Variants in SKAP1 observed in about 807,000 individuals in gnomAD.
SKAP1 encodes src kinase-associated phosphoprotein 1.
SKAP1 carries 44 observed loss-of-function variants against 58.5 expected under a neutral mutation model. The observed-to-expected ratio is 0.75, with a 90% confidence interval of 0.59 to 0.97. SKAP1 has a LOEUF of 0.97. Ranked by LOEUF, SKAP1 falls within the 50% of genes least tolerant of loss-of-function variation. The pLI, the probability that SKAP1 is intolerant of heterozygous loss-of-function variation, is 0.00. For missense variants in SKAP1, 390 were observed against 435.2 expected, an observed-to-expected ratio of 0.90 and a Z score of 0.92; for synonymous variants, 127 against 149.7, an observed-to-expected ratio of 0.85 and a Z score of 1.11.
intron 4 of SKAP1, among the ~76,000 whole-genome samples, chr17:48,231,156 C>T (rs1420065812): frequency 1.3e-5 from 2 of 152,116 alleles, no homozygotes; most frequent in African/African-American, 4.8e-5. Context: ...ATCACCTGGG[C>T]ACCTTAAAGA....
At chr17:48,171,105 T>TTTG (rs1189757860) in intron 9 of SKAP1, among the ~76,000 whole-genome samples, 6 of 146,192 alleles carry the variant, frequency 4.1e-5, no homozygotes, top group Non-Finnish European at 6.1e-5. Context: ...TTTTTTTTTT[T>TTTG]TTTTTTTTTT....
intron 4 of SKAP1, among the ~76,000 whole-genome samples, chr17:48,212,718 A>C (rs2064888862): frequency 6.6e-6 from 1 of 152,234 alleles, no homozygotes; most frequent in South Asian, 2.1e-4. Flanking sequence ...GATGATTTTA[A>C]AAGTAAAGCA....
At chr17:48,226,830 G>A (rs936575411) in intron 4 of SKAP1, among the ~76,000 whole-genome samples, 5 of 152,186 alleles carry the variant, frequency 3.3e-5, no homozygotes, top group African/African-American at 1.2e-4. Context: ...CAAAAGGGAT[G>A]TGCTATTTAG....
chr17:48,339,965 G>A (rs1005351354), intron 4 of SKAP1, among the ~76,000 whole-genome samples: 3 of 151,954 alleles, frequency 2.0e-5, no homozygotes, highest in Non-Finnish European at 2.9e-5. Flanking sequence ...GGTGGATCAC[G>A]AGGTCGGGAG....
intron 4 of SKAP1, among the ~76,000 whole-genome samples, chr17:48,327,393 C>T (rs2066453016): frequency 6.6e-6 from 1 of 152,202 alleles, no homozygotes; most frequent in African/African-American, 2.4e-5. Context: ...AGTGATAGAG[C>T]AGAAAATAAA....
At chr17:48,285,224 G>C (rs1259580170) in intron 4 of SKAP1, among the ~76,000 whole-genome samples, 2 of 152,196 alleles carry the variant, frequency 1.3e-5, no homozygotes, top group African/African-American at 4.8e-5. Context: ...AATAAGATGG[G>C]AGTGGTGATT....
chr17:48,328,589 G>C (rs1293792952), intron 4 of SKAP1, among the ~76,000 whole-genome samples: 1 of 152,050 alleles, frequency 6.6e-6, no homozygotes, highest in Admixed American at 6.5e-5. Flanking sequence ...ATGATTTACA[G>C]TGGGTGAATA....
Position 48,391,829 on chromosome 17 carries a change from C to T in SKAP1, c.152+4851G>A, listed in dbSNP as rs181748990. Among the ~76,000 whole-genome samples the T allele has an allele frequency of 8.6e-4, 117 of 135,512 alleles. 2 individuals carry two copies. Among genetic ancestry groups the T allele is most frequent in the Non-Finnish European group, 8.5e-4 (55 of 64,408 alleles). 88.9% of individuals were successfully genotyped at this position (135,512 alleles called of 152,430 possible). ...CTGCATTGGCACTGAAGCTCCAGTA[C>T]AAGTAGCAAAATTAAAAAACAGAAA... On this transcript the variant is annotated intron_variant, in intron 2 of 12. Coordinates refer to ENST00000336915, the MANE Select transcript of SKAP1 (RefSeq NM_003726.4).
At chr17:48,354,058 T>A (rs1455663390) in intron 3 of SKAP1, among the ~76,000 whole-genome samples, 2 of 152,100 alleles carry the variant, frequency 1.3e-5, no homozygotes, top group Admixed American at 6.6e-5. Flanking sequence ...AATAAAATAA[T>A]ACATAGTAAA....
At chr17:48,168,804 C>T (rs2064174024) in intron 10 of SKAP1, among the ~76,000 whole-genome samples, 1 of 152,188 alleles carries the variant, frequency 6.6e-6, no homozygotes, top group Admixed American at 6.5e-5. Context: ...TGCCCTTCCC[C>T]CAGACCTCTA....
chr17:48,157,296 C>T lies in SKAP1; in HGVS notation c.978+5173G>A, dbSNP rs367626641. On this transcript the variant is annotated intron_variant, in intron 11 of 12. Coordinates refer to ENST00000336915, the MANE Select transcript of SKAP1 (RefSeq NM_003726.4). Reference sequence around the variant, plus strand: ...TGTTGCCCAAGCTGGAGCGCAGTGGCGTAATCTCGGCTCACTGCAACCTCT... The same window carrying T: ...TGTTGCCCAAGCTGGAGCGCAGTGGTGTAATCTCGGCTCACTGCAACCTCT... 3.3e-4 allele frequency among the ~76,000 whole-genome samples: 50 copies of T among 151,382 alleles called. 1 individual carries two copies. The East Asian group carries it at 7.6e-3, about 23-fold the overall frequency.
chr17:48,279,898 T>C (rs2065746196), intron 4 of SKAP1, among the ~76,000 whole-genome samples: 1 of 152,190 alleles, frequency 6.6e-6, no homozygotes, highest in African/African-American at 2.4e-5. Flanking sequence ...TAAGAGCTTG[T>C]CTCCTAAGGC....
rs116983686 is a variant in SKAP1 at position 48,415,153 on chromosome 17, C to T, written c.46+14922G>A. 6.6e-3 allele frequency among the ~76,000 whole-genome samples: 1,011 copies of T among 152,178 alleles called. 7 individuals carry two copies. The highest frequency in any genetic ancestry group is 0.01 in the Non-Finnish European group (701 of 68,002). ...CAAATGCTGTTGAAAACAACTCCACCGACCAAATACCAATCAAAGTGTTCC... is the reference window on the plus strand; with the variant it reads ...CAAATGCTGTTGAAAACAACTCCACTGACCAAATACCAATCAAAGTGTTCC... On this transcript the variant is annotated intron_variant, in intron 1 of 12. Coordinates refer to ENST00000336915, the MANE Select transcript of SKAP1 (RefSeq NM_003726.4).
chr17:48,345,335 T>G (rs1426170922), intron 4 of SKAP1, among the ~76,000 whole-genome samples: 3 of 152,260 alleles, frequency 2.0e-5, no homozygotes, highest in African/African-American at 7.2e-5. Flanking sequence ...ACTCCTCTCA[T>G]TCCCAAATAT....
intron 1 of SKAP1, among the ~76,000 whole-genome samples, chr17:48,414,899 G>T (rs1366501836): frequency 6.6e-6 from 1 of 152,132 alleles, no homozygotes; most frequent in African/African-American, 2.4e-5. Flanking sequence ...CATTCACAAA[G>T]CTGCTCTTCT....
intron 12 of SKAP1, among the ~76,000 whole-genome samples, chr17:48,134,483 A>G (rs1446781800): frequency 1.3e-5 from 2 of 151,528 alleles, no homozygotes; most frequent in African/African-American, 4.9e-5. Context: ...ACGCCTGGCT[A>G]ATTTTTGTAT....
At chr17:48,396,216 A>G (rs1388078908) in intron 2 of SKAP1, among the ~76,000 whole-genome samples, 1 of 152,250 alleles carries the variant, frequency 6.6e-6, no homozygotes, top group African/African-American at 2.4e-5. Context: ...CAGTCCAGGA[A>G]TAAAACATCC....
chr17:48,145,267 C>A (rs753889362), intron 11 of SKAP1, among the ~76,000 whole-genome samples: 1 of 152,126 alleles, frequency 6.6e-6, no homozygotes, highest in Non-Finnish European at 1.5e-5. Context: ...TATTTGCACT[C>A]CATTATATGG....
the SKAP1 span, among the ~76,000 whole-genome samples, chr17:48,443,534 G>C: frequency 1.3e-5 from 2 of 152,136 alleles, no homozygotes; most frequent in South Asian, 4.1e-4. Context: ...GGAGTGCAAT[G>C]GTGCGATCTC....
Sources: gnomAD v4.1 joint callset for allele counts (sites outside exome capture counted in the v4.1 genomes callset) on GRCh38, gnomAD v4.1.1 for gene constraint, MANE v1.5 for transcripts, NCBI Gene and HGNC (gene_info 2026-07-23, HGNC 2026-07-21) for gene names.